Variants in MYH8 observed in about 807,000 individuals in gnomAD.
The protein encoded by MYH8 is myosin-8.
Under a neutral mutation model 233.2 loss-of-function variants are expected in MYH8, and 168 were observed. The observed-to-expected ratio is 0.72, with a 90% confidence interval of 0.64 to 0.82. The LOEUF (loss-of-function observed/expected upper bound fraction) is 0.82. Among genes scored for constraint, MYH8 ranks in the 40% least tolerant of loss-of-function variants. MYH8 has a pLI of 0.00. For missense variants in MYH8, 1,995 were observed against 2,327.8 expected (o/e 0.86, Z 2.94); for synonymous variants, 785 against 850.6 (o/e 0.92, Z 1.34).
At position 10,401,071 on chromosome 17, in the gene MYH8, G is replaced by C. The variant is rs2072136045; in HGVS notation, c.3229C>G (p.Gln1077Glu). ...ESTMDMENDK[Q>E]QLDEKLEKKE... ...TTTTCAAGCTTTTCATCAAGTTGCTGTTTGTCATTTTCCATATCCATTGTG... is the reference window on the plus strand; with the variant it reads ...TTTTCAAGCTTTTCATCAAGTTGCTCTTTGTCATTTTCCATATCCATTGTG... The change falls in exon 25 of 40, where the codon CAG becomes GAG. Residue 1077 changes from glutamine to glutamate, a missense_variant. Physicochemically the swap from Gln to Glu is conservative, Grantham distance 29 (BLOSUM62 2). Around this residue, in one of 3 missense-constraint regions of MYH8, gnomAD observed 1,498 missense variants for 1,680.9 expected, o/e 0.89. Coordinates refer to ENST00000403437, the MANE Select transcript of MYH8 (RefSeq NM_002472.3). The C allele has an allele frequency of 1.9e-6, 3 of 1,613,994 alleles. No homozygotes were observed. The highest frequency in any genetic ancestry group is 1.3e-5 in the African/African-American group (1 of 74,904).
intron 38 of MYH8, 134 bp downstream of exon 38, chr17:10,392,408 A>G (rs1014024792): frequency 2.6e-5 from 22 of 846,972 alleles, no homozygotes; most frequent in Admixed American, 3.8e-5. Flanking sequence ...TGTGATAAGC[A>G]ACTGTCTTTA....
At position 10,395,334 on chromosome 17, in the gene MYH8, G is replaced by A; in HGVS notation, c.4761C>T (p.Asp1587=). The change falls in exon 34 of 40, where the codon GAC becomes GAT. Residue 1587 remains aspartate (D), a synonymous_variant. Coordinates refer to ENST00000403437, the MANE Select transcript of MYH8 (RefSeq NM_002472.3). ...CTCTAGTGTGGTTTCTCTTCAGCTG[G>A]TCAATTTCCTCATCCTTTTCTGCGA... ...RKIAEKDEEI[D]QLKRNHTRVV... 1 of 1,614,140 alleles carries A rather than the reference G, an allele frequency of 6.2e-7. No individual in the cohort carries two copies. The highest frequency in any genetic ancestry group is 8.5e-7 in the Non-Finnish European group (1 of 1,180,036).
At position 10,400,942 on chromosome 17, in the gene MYH8, C is replaced by T. The variant is rs764172364; in HGVS notation, c.3272G>A (p.Ser1091Asn). The T allele has an allele frequency of 1.1e-5, 17 of 1,613,574 alleles. No individual in the cohort carries two copies. The South Asian group carries it at 1.8e-4, about 17-fold the overall frequency. ...ATCTTCAATTTTGCTTATCAAATTG[C>T]TGATTTCAAATTCTTTCCTTTAGAC... ...EKLEKKEFEI[S>N]NLISKIEDEQ... The change falls in exon 26 of 40, where the codon AGC (serine) becomes AAC (asparagine). Residue 1091 changes from serine to asparagine, a missense_variant. Coordinates refer to ENST00000403437, the MANE Select transcript of MYH8 (RefSeq NM_002472.3). The surrounding 1 kb of genome is among the most constrained non-coding windows in gnomAD (Gnocchi z 4.0).
At chr17:10,391,015 T>C (rs2072017102) in intron 39 of MYH8, among the ~76,000 whole-genome samples, 1 of 152,240 alleles carries the variant, frequency 6.6e-6, no homozygotes, top group African/African-American at 2.4e-5. Flanking sequence ...AATTGACTCA[T>C]TGCCATTTAT....
intron 5 of MYH8, among the ~76,000 whole-genome samples, chr17:10,416,313 T>C (rs1487952092): frequency 6.6e-6 from 1 of 152,226 alleles, no homozygotes; most frequent in East Asian, 1.9e-4. Flanking sequence ...CAGGATATCT[T>C]ATTGCATGTA....
chr17:10,409,022 TA>T, intron 17 of MYH8, 74 bp downstream of exon 17: 1 of 1,407,770 alleles, frequency 7.1e-7, no homozygotes, highest in Non-Finnish European at 1.0e-6. Context: ...TATTGCCTCA[TA>T]ATTTTTTCTA....
chr17:10,404,389 C>T lies in MYH8; in HGVS notation c.2629G>A (p.Glu877Lys). Residue 877 changes from glutamate to lysine, a missense_variant, in exon 22 of 40, where the codon GAG becomes AAG. Transcript: ENST00000403437. ...TTTAAGAGAGTGACCATTTTTTCCTCTAGCTCCTTCCGTTTTGCCTCTGAC... is the reference window on the plus strand; with the variant it reads ...TTTAAGAGAGTGACCATTTTTTCCTTTAGCTCCTTCCGTTTTGCCTCTGAC... ...AKSEAKRKEL[E>K]EKMVTLLKEK... The T allele has an allele frequency of 6.2e-7, 1 of 1,613,838 alleles. No homozygotes were observed. Among genetic ancestry groups the T allele is most frequent in the Non-Finnish European group, 8.5e-7 (1 of 1,179,892 alleles).
Position 10,419,027 on chromosome 17 carries a change from G to A in MYH8, c.214C>T (p.Leu72=). Residue 72 remains leucine (L), a synonymous_variant, in exon 4 of 40, where the codon CTA becomes TTA. Transcript: ENST00000403437. The surrounding 1 kb of genome is among the most constrained non-coding windows in gnomAD (Gnocchi z 4.0). ...VTVKTEGGAT[L]TVREDQVFPM... ...AAGACTTGGTCTTCCCTGACAGTTA[G>A]AGTCTGGTGAGTAAGCAAGAAACCA... 1 of 1,614,102 alleles carries A rather than the reference G, an allele frequency of 6.2e-7. No homozygotes were observed. The highest frequency in any genetic ancestry group is 8.5e-7 in the Non-Finnish European group (1 of 1,180,004).
rs1246604800 is a variant in MYH8, at chr17:10,415,109, T to A, written c.805+7A>T. ...CTGTTTTGATTTTCAATGGTCCTGT[T>A]ACTCACATGTTTCTATATCAGCAGA... is the stretch of plus-strand genomic sequence containing the variant. On this transcript the variant is annotated splice_region_variant and intron_variant, in intron 9 of 39. Coordinates refer to ENST00000403437, the MANE Select transcript of MYH8 (RefSeq NM_002472.3). This position sits in a 1 kb window ranked among gnomAD's most constrained non-coding sequence, Gnocchi z 4.1. The A allele has an allele frequency of 1.9e-6, 3 of 1,610,888 alleles. No homozygotes were observed.
Position 10,396,468 on chromosome 17 carries a change from G to A in MYH8, c.4529-14C>T, listed in dbSNP as rs1298618114. 1 of 1,614,034 alleles carries A rather than the reference G, an allele frequency of 6.2e-7. No homozygotes were observed. The highest frequency in any genetic ancestry group is 1.1e-5 in the South Asian group (1 of 91,048). ...CAGAAATCTCCTCTGTGGTTGAACA[G>A]ACAGGAGAGAAATGGTCAGAAAGAT... On this transcript the variant is annotated splice_polypyrimidine_tract_variant and intron_variant, in intron 32 of 39. Transcript: ENST00000403437. This position sits in a 1 kb window ranked among gnomAD's most constrained non-coding sequence, Gnocchi z 4.2.
chr17:10,404,778 C>T (rs1469213354), intron 21 of MYH8, among the ~76,000 whole-genome samples, 193 bp from the exon 22 acceptor site: 1 of 151,964 alleles, frequency 6.6e-6, no homozygotes, highest in Non-Finnish European at 1.5e-5. Flanking sequence ...CGCTCACACT[C>T]ATGGTCAGTA....
chr17:10,415,001 A>G lies in MYH8; in HGVS notation c.805+115T>C, dbSNP rs2072276397. 5.4e-6 allele frequency: 5 copies of G among 931,290 alleles called. No homozygotes were observed. Among genetic ancestry groups the G allele is most frequent in the Non-Finnish European group, 3.6e-6 (2 of 560,824 alleles). 57.7% of individuals were successfully genotyped at this position (931,290 alleles called of 1,614,324 possible). On this transcript the variant is annotated intron_variant, in intron 9 of 39. Coordinates refer to ENST00000403437, the MANE Select transcript of MYH8 (RefSeq NM_002472.3). This position sits in a 1 kb window ranked among gnomAD's most constrained non-coding sequence, Gnocchi z 4.1. The stretch of plus-strand genomic sequence containing the variant: ...AGCCTAGCATTAGCTTACAGGCAGT[A>G]CTGGCAGCAGACTACCCTTTTAACA...
At position 10,404,445 on chromosome 17, in the gene MYH8, T is replaced by C; in HGVS notation, c.2573A>G (p.Glu858Gly). The C allele has an allele frequency of 4.3e-6, 7 of 1,614,062 alleles. No individual in the cohort carries two copies. Among genetic ancestry groups the C allele is most frequent in the Non-Finnish European group, 5.1e-6 (6 of 1,179,964 alleles). Residue 858 changes from glutamate to glycine, a missense_variant, in exon 22 of 40, where the codon GAA becomes GGA. Physicochemically the swap from Glu to Gly is moderately conservative, Grantham distance 98. This residue lies in a region of MYH8 where 1,498 missense variants were observed against 1,680.9 expected (regional missense o/e 0.89). Transcript: ENST00000403437. Reference protein sequence around the residue: ...TEKEMATMKEEFQKTKDELAK... With the variant: ...TEKEMATMKEGFQKTKDELAK... ...GAGTTCATCTTTGGTTTTCTGGAAT[T>C]CTTCCTTCATGGTGGCCATCTCTTT...
chr17:10,398,610 A>T lies in MYH8; in HGVS notation c.4012T>A (p.Ser1338Thr). The T allele has an allele frequency of 1.2e-6, 2 of 1,613,680 alleles. No homozygotes were observed. Among genetic ancestry groups the T allele is most frequent in the South Asian group, 1.1e-5 (1 of 91,060 alleles). Reference sequence around the variant, plus strand: ...AGCAGGTCGCAGTCATGGCGGGAGGACTGCAGGGCGTGTGCCAGGGCGTTC... The same window carrying T: ...AGCAGGTCGCAGTCATGGCGGGAGGTCTGCAGGGCGTGTGCCAGGGCGTTC... ...AKNALAHALQ[S>T]SRHDCDLLRE... The change falls in exon 30 of 40, where the codon TCC becomes ACC. Residue 1338 changes from serine (S) to threonine (T), a missense_variant. By Grantham distance (58) the Ser-to-Thr change is moderately conservative (BLOSUM62 1). Transcript: ENST00000403437.
intron 12 of MYH8, 43 bp from the exon 13 acceptor site, chr17:10,412,771 T>C: frequency 6.8e-7 from 1 of 1,465,778 alleles, no homozygotes; most frequent in Non-Finnish European, 9.6e-7. Flanking sequence ...ATGAAGGATA[T>C]CCTCTTTTAC....
intron 35 of MYH8, among the ~76,000 whole-genome samples, 185 bp from the exon 36 acceptor site, chr17:10,393,395 G>A (rs1254079151): frequency 1.3e-5 from 2 of 152,318 alleles, no homozygotes; most frequent in East Asian, 3.9e-4. Context: ...AACTTCCCCA[G>A]TGTCCACCTG....
At chr17:10,409,705 C>T in intron 15 of MYH8, 117 bp from the exon 16 acceptor site, 1 of 1,381,348 alleles carries the variant, frequency 7.2e-7, no homozygotes, top group Admixed American at 1.9e-5. Context: ...ATGAAATAAA[C>T]CAGGGTCACA....
At position 10,414,591 on chromosome 17, in the gene MYH8, A is replaced by G. The variant is rs57710557; in HGVS notation, c.806-107T>C. 2.6e-4 allele frequency: 206 copies of G among 778,226 alleles called. 1 individual carries two copies. The East Asian group carries it at 3.0e-3, about 11-fold the overall frequency. The allele number at this position is 778,226 out of a possible 1,614,324, so 48.2% of individuals were successfully genotyped here. A position where few individuals can be genotyped will look rare whatever the true frequency, so the allele number is the denominator to read the frequency against. ...ATTTGGAGCATTACATTTGGCTCCA[A>G]TGAGATTTCAACTTGATGACCAATT... On this transcript the variant is annotated intron_variant, in intron 9 of 39. Coordinates refer to ENST00000403437, the MANE Select transcript of MYH8 (RefSeq NM_002472.3).
In MYH8 at chr17:10,399,629, A is replaced by T; in HGVS notation, c.3776T>A (p.Val1259Glu). The T allele has an allele frequency of 6.2e-7, 1 of 1,614,052 alleles. No individual in the cohort carries two copies. The highest frequency in any genetic ancestry group is 8.5e-7 in the Non-Finnish European group (1 of 1,180,018). The change falls in exon 28 of 40, where the codon GTG (valine) becomes GAG (glutamate). Residue 1259 changes from valine to glutamate, a missense_variant. By Grantham distance (121) the Val-to-Glu change is moderately radical (BLOSUM62 -2). Transcript: ENST00000403437. The stretch of plus-strand genomic sequence containing the variant: ...CTCTTCCTTGGTCTTAAGCTCACTC[A>T]CTTGATCTTCTAGAGAGCGGCACAT... ...EKMCRSLEDQ[V>E]SELKTKEEEQ...
Sources: gnomAD v4.1 joint callset for allele counts (sites outside exome capture counted in the v4.1 genomes callset) on GRCh38, gnomAD v4.1.1 for gene constraint, gnomAD v4.1.1 regional missense constraint, Gnocchi (gnomAD v3.1) non-coding constraint, MANE v1.5 for transcripts, NCBI Gene and HGNC (gene_info 2026-07-23, HGNC 2026-07-21) for gene names.